DOCK8: variants seen among roughly 807,000 people sequenced by gnomAD.
The protein encoded by DOCK8 is dedicator of cytokinesis 8.
DOCK8 carries 141 observed loss-of-function variants against 245.6 expected under a neutral mutation model. The ratio of observed to expected loss-of-function variants is 0.57; its 90% CI spans 0.50 to 0.66. The LOEUF (loss-of-function observed/expected upper bound fraction) is 0.66. DOCK8 is among the 30% of genes least tolerant of loss of function. The pLI is 0.00. For missense variants in DOCK8, 2,965 were observed against 2,603.4 expected, an observed-to-expected ratio of 1.14 and a Z score of -3.02; for synonymous variants, 1,168 against 970.2, an observed-to-expected ratio of 1.20 and a Z score of -3.79.
intron 1 of DOCK8, among the ~76,000 whole-genome samples, chr9:229,286 C>G (rs2047054469): frequency 6.6e-6 from 1 of 152,118 alleles, no homozygotes; most frequent in South Asian, 2.1e-4. Context: ...ATCACAATAC[C>G]CATTTTAGTG....
At chr9:341,775 C>T (rs1198724635) in intron 14 of DOCK8, among the ~76,000 whole-genome samples, 2 of 152,176 alleles carry the variant, frequency 1.3e-5, no homozygotes, top group East Asian at 3.9e-4. Context: ...GGCTGCATGG[C>T]AGGAGGTGAG....
chr9:213,265 A>G (rs1304851903), upstream of DOCK8: 2 of 152,192 alleles, frequency 1.3e-5, no homozygotes, highest in South Asian at 2.1e-4. Context: ...AAAAGTTACT[A>G]AACTACCTGA....
chr9:399,075 C>A (rs2054606451), intron 25 of DOCK8, 71 bp from the exon 26 acceptor site: 1 of 1,414,494 alleles, frequency 7.1e-7, no homozygotes. Context: ...TCCCAATGTT[C>A]CCACCAGTGA....
At chr9:253,454 A>G (rs535345892) in intron 1 of DOCK8, among the ~76,000 whole-genome samples, 1 of 152,182 alleles carries the variant, frequency 6.6e-6, no homozygotes, top group Non-Finnish European at 1.5e-5. Context: ...GCATAAACTC[A>G]GTTCTCATTC....
intron 1 of DOCK8, among the ~76,000 whole-genome samples, chr9:231,577 TGA>T (rs1176778105): frequency 3.3e-5 from 5 of 152,182 alleles, no homozygotes; most frequent in Non-Finnish European, 5.9e-5. Flanking sequence ...TTTATTTCAT[TGA>T]GCAGTGGTTT....
chr9:400,361 CCATCACCACCTCCTTCACCATCACCAT>C (rs2054845645), intron 26 of DOCK8, among the ~76,000 whole-genome samples: 1 of 102,530 alleles, frequency 9.8e-6, no homozygotes, highest in African/African-American at 4.2e-5. Flanking sequence ...ACCTCCTCCA[CCATCACCACCTCCTTCACCATCACCAT>C]CACCACCACC....
chr9:254,621 T>C (rs2047726188), intron 1 of DOCK8, among the ~76,000 whole-genome samples: 1 of 152,218 alleles, frequency 6.6e-6, no homozygotes, highest in Non-Finnish European at 1.5e-5. Flanking sequence ...TTGACCTTCC[T>C]GCATTATGGA....
At chr9:335,043 C>T (rs1311755888) in intron 11 of DOCK8, among the ~76,000 whole-genome samples, 1 of 152,066 alleles carries the variant, frequency 6.6e-6, no homozygotes, top group Non-Finnish European at 1.5e-5. Context: ...GATCAGGCCT[C>T]TGCACTCCAG....
At chr9:344,060 G>A (rs2051744811) in intron 14 of DOCK8, among the ~76,000 whole-genome samples, 1 of 152,092 alleles carries the variant, frequency 6.6e-6, no homozygotes, top group African/African-American at 2.4e-5. Context: ...ATGAGAAACA[G>A]ACCCACAAAT....
At chr9:440,272 G>C (rs1308734405) in intron 40 of DOCK8, among the ~76,000 whole-genome samples, 1 of 152,092 alleles carries the variant, frequency 6.6e-6, no homozygotes, top group Non-Finnish European at 1.5e-5. Context: ...TGCCCATCTT[G>C]GCCTCCCAAA....
intron 1 of DOCK8, among the ~76,000 whole-genome samples, chr9:251,102 C>T (rs533283560): frequency 4.7e-4 from 71 of 152,212 alleles, no homozygotes; most frequent in African/African-American, 1.6e-3. Flanking sequence ...GGACAGATCT[C>T]GAATAAAAAC....
At chr9:371,343 GA>G (rs2131213891) in intron 16 of DOCK8, 84 bp from the exon 17 acceptor site, 2 of 1,534,284 alleles carry the variant, frequency 1.3e-6, no homozygotes, top group East Asian at 4.5e-5. Flanking sequence ...AAATTCTGAG[GA>G]GCAAAGGGGC....
chr9:393,535 A>G (rs2054301239), intron 24 of DOCK8, among the ~76,000 whole-genome samples: 1 of 152,214 alleles, frequency 6.6e-6, no homozygotes, highest in Non-Finnish European at 1.5e-5. Context: ...CAAGTCAGCC[A>G]AATGCTTCAG....
chr9:361,309 T>A (rs1183158250), intron 14 of DOCK8, among the ~76,000 whole-genome samples: 1 of 152,012 alleles, frequency 6.6e-6, no homozygotes, highest in African/African-American at 2.4e-5. Context: ...GAAGAGAGGA[T>A]CCCAGACAGA....
intron 40 of DOCK8, among the ~76,000 whole-genome samples, chr9:439,908 C>T (rs1291882250): frequency 6.6e-6 from 1 of 152,198 alleles, no homozygotes; most frequent in Non-Finnish European, 1.5e-5. Flanking sequence ...ACCACTGAGA[C>T]TCCTCTGGTT....
intron 25 of DOCK8, among the ~76,000 whole-genome samples, chr9:397,323 C>G (rs192994704): frequency 1.4e-5 from 2 of 148,118 alleles, no homozygotes; most frequent in East Asian, 3.9e-4. Context: ...AGCACTCCAG[C>G]CTGGGTGACA....
chr9:291,157 A>T (rs972804666), intron 4 of DOCK8, among the ~76,000 whole-genome samples: 5 of 152,236 alleles, frequency 3.3e-5, no homozygotes, highest in African/African-American at 1.2e-4. Flanking sequence ...TCTGAGAAGG[A>T]ACAAATAGAA....
At chr9:299,681 A>G (rs2049440934) in intron 4 of DOCK8, among the ~76,000 whole-genome samples, 2 of 151,506 alleles carry the variant, frequency 1.3e-5, no homozygotes, top group African/African-American at 2.4e-5. Context: ...AGCCCTAGCA[A>G]TATAGGTTTG....
At chr9:281,641 C>CTGTGTGTGTGTG (rs60099453) in intron 2 of DOCK8, among the ~76,000 whole-genome samples, 2,942 of 150,776 alleles carry the variant, frequency 0.02, 90 homozygotes, top group African/African-American at 0.067. Flanking sequence ...GTTTGTGTGC[C>CTGTGTGTGTGTG]TGTGTGTGTG....
Sources: allele counts gnomAD v4.1 joint callset (sites outside exome capture counted in the v4.1 genomes callset), GRCh38; gene constraint gnomAD v4.1.1; transcripts MANE v1.5; gene names NCBI Gene and HGNC (gene_info 2026-07-23, HGNC 2026-07-21).